The following NCKAP5 variants were observed in gnomAD, a reference collection of about 807,000 sequenced individuals.
NCKAP5 encodes the protein nck-associated protein 5.
In NCKAP5, 92 loss-of-function variants were observed where a neutral mutation model predicts 167.0. The ratio of observed to expected loss-of-function variants is 0.55; its 90% confidence interval spans 0.47 to 0.66. The LOEUF (loss-of-function observed/expected upper bound fraction) is 0.66. Ranked by LOEUF, NCKAP5 falls within the 30% of genes least tolerant of loss-of-function variation. The probability of loss-of-function intolerance (pLI) is 0.00; values close to 1 mark genes in which losing one functional copy is unlikely to be tolerated. For missense variants in NCKAP5, 2,378 were observed against 2,315.0 expected (o/e 1.03, Z -0.56); for synonymous variants, 891 against 877.4 (o/e 1.02, Z -0.27).
chr2:133,105,515 T>C (rs2081655214), intron 6 of NCKAP5, among the ~76,000 whole-genome samples: 1 of 152,350 alleles, frequency 6.6e-6, no homozygotes, highest in Admixed American at 6.5e-5. Context: ...TTTTGAACTC[T>C]TTATTTCCTT....
chr2:132,972,735 C>T (rs1013260450), intron 7 of NCKAP5, among the ~76,000 whole-genome samples: 2 of 151,872 alleles, frequency 1.3e-5, no homozygotes, highest in Non-Finnish European at 2.9e-5. Context: ...TGGTGGCATG[C>T]ACCTGCAGTC....
In NCKAP5 at chr2:132,783,714, C is replaced by A. The variant is rs777775744; in HGVS notation, c.3097G>T (p.Ala1033Ser). ...HAPSSSFTVM[A>S]LGPPKVSPKR... Reference sequence around the variant, plus strand: ...GGAGAGACCTTTGGAGGCCCCAGAGCCATTACGGTGAAGGAGCTGGAGGGG... The same window carrying A: ...GGAGAGACCTTTGGAGGCCCCAGAGACATTACGGTGAAGGAGCTGGAGGGG... Residue 1033 changes from alanine (A) to serine (S), a missense_variant, in exon 14 of 20, where the codon GCT (alanine) becomes TCT (serine). Physicochemically the swap from Ala to Ser is moderately conservative, Grantham distance 99. Around this residue, in one of 3 missense-constraint regions of NCKAP5, gnomAD observed 1,325 missense variants for 1,274.5 expected, o/e 1.04. Coordinates refer to ENST00000409261, the MANE Select transcript of NCKAP5 (RefSeq NM_207363.3). The A allele has an allele frequency of 1.9e-6, 3 of 1,612,154 alleles. No individual in the cohort carries two copies. The highest frequency in any genetic ancestry group is 1.7e-4 in the Middle Eastern group (1 of 6,044).
chr2:132,894,818 C>T (rs1040619425), intron 8 of NCKAP5, among the ~76,000 whole-genome samples: 1 of 152,134 alleles, frequency 6.6e-6, no homozygotes, highest in African/African-American at 2.4e-5. Context: ...ATTTCTTCTG[C>T]CTCCAGCATG....
intron 3 of NCKAP5, among the ~76,000 whole-genome samples, chr2:133,341,690 C>T (rs1373610518): frequency 6.6e-6 from 1 of 152,184 alleles, no homozygotes; most frequent in East Asian, 1.9e-4. Flanking sequence ...TAGCACAGCA[C>T]CCATGACACT....
At chr2:132,900,134 CAATT>C (rs1351020568) in intron 8 of NCKAP5, among the ~76,000 whole-genome samples, 1 of 152,084 alleles carries the variant, frequency 6.6e-6, no homozygotes, top group Non-Finnish European at 1.5e-5. Flanking sequence ...TGCCCCAAAA[CAATT>C]AAGTATGTCA....
chr2:133,104,085 G>T (rs982823969), intron 6 of NCKAP5, among the ~76,000 whole-genome samples: 1 of 151,766 alleles, frequency 6.6e-6, no homozygotes, highest in African/African-American at 2.4e-5. Context: ...TGGGGAGAAG[G>T]TTCTTACCTT....
At position 133,105,539 on chromosome 2, in the gene NCKAP5, T is replaced by C. The variant is rs749937694; in HGVS notation, c.341+24439A>G. On this transcript the variant is annotated intron_variant, in intron 6 of 19. Transcript: ENST00000409261. ...CTTTATTTCCTTCCCTCTATTCCCT[T>C]GCCTCTCAAAACTGGCCTTCGTCTG... Among the ~76,000 whole-genome samples, 17 of 152,232 alleles carry C rather than the reference T, an allele frequency of 1.1e-4. 1 individual carries two copies. Among genetic ancestry groups the C allele is most frequent in the Non-Finnish European group, 2.4e-4 (16 of 68,044 alleles).
chr2:132,731,573 T>C (rs1691007616), intron 17 of NCKAP5, among the ~76,000 whole-genome samples, 164 bp downstream of exon 17: 2 of 152,228 alleles, frequency 1.3e-5, no homozygotes, highest in African/African-American at 2.4e-5. Context: ...TGAGTAGATA[T>C]TGTCTTATAC....
chr2:132,687,791 A>C (rs1308961929), intron 19 of NCKAP5, among the ~76,000 whole-genome samples: 1 of 150,512 alleles, frequency 6.6e-6, no homozygotes, highest in Non-Finnish European at 1.5e-5. Context: ...TAGCTATAGA[A>C]ATTTCATTTT....
At position 133,377,593 on chromosome 2, in the gene NCKAP5, A is replaced by C. The variant is rs537028455; in HGVS notation, c.70-74483T>G. ...AAAGCTCTAAGGTAGAGCAATTTGA[A>C]GTTAGAAAAATGGGTTTAAGTAGCT... On this transcript the variant is annotated intron_variant, in intron 3 of 19. Transcript: ENST00000409261. Among the ~76,000 whole-genome samples, 80 of 152,212 alleles carry C rather than the reference A, an allele frequency of 5.3e-4. 1 individual carries two copies. Among genetic ancestry groups the C allele is most frequent in the Non-Finnish European group, 5.9e-5 (4 of 68,034 alleles).
intron 3 of NCKAP5, among the ~76,000 whole-genome samples, chr2:133,316,158 C>T (rs759586353): frequency 3.9e-5 from 6 of 152,130 alleles, no homozygotes; most frequent in African/African-American, 7.2e-5. Context: ...TGGTTATTTC[C>T]GATGACTTAA....
intron 5 of NCKAP5, among the ~76,000 whole-genome samples, chr2:133,153,276 G>C (rs1364540610): frequency 6.6e-6 from 1 of 152,130 alleles, no homozygotes; most frequent in African/African-American, 2.4e-5. Flanking sequence ...TAATATAAAT[G>C]ATAGAGTTTA....
upstream of NCKAP5, among the ~76,000 whole-genome samples, chr2:133,570,723 C>T (rs1422768421): frequency 6.6e-6 from 1 of 152,142 alleles, no homozygotes. Context: ...TTCCTGGCTG[C>T]TAGCAAGCAC....
intron 1 of NCKAP5, among the ~76,000 whole-genome samples, chr2:133,559,428 C>G (rs536645541): frequency 6.6e-6 from 1 of 152,296 alleles, no homozygotes; most frequent in African/African-American, 2.4e-5. Context: ...AAGTTATCCT[C>G]CAATCTCAGC....
chr2:133,289,324 C>CT (rs906177090), intron 4 of NCKAP5, among the ~76,000 whole-genome samples: 73 of 151,902 alleles, frequency 4.8e-4, no homozygotes, highest in African/African-American at 1.6e-3. Flanking sequence ...ATCTTTTTGC[C>CT]TTTTTTTTCC....
chr2:133,551,286 G>A (rs938189044), intron 2 of NCKAP5, among the ~76,000 whole-genome samples: 3 of 151,044 alleles, frequency 2.0e-5, no homozygotes, highest in Admixed American at 2.0e-4. Flanking sequence ...GCATCACCAA[G>A]TCACTCCTAA....
chr2:133,392,279 C>T (rs1030427999), intron 3 of NCKAP5, among the ~76,000 whole-genome samples: 1 of 152,104 alleles, frequency 6.6e-6, no homozygotes, highest in African/African-American at 2.4e-5. Flanking sequence ...GAATGTAGAA[C>T]ATAACATGCT....
In NCKAP5 at chr2:133,080,169, C is replaced by T. The variant is rs566289745; in HGVS notation, c.341+49809G>A. Among the ~76,000 whole-genome samples the T allele has an allele frequency of 5.9e-5, 9 of 152,174 alleles. No homozygotes were observed. The South Asian group carries it at 1.9e-3, about 32-fold the overall frequency. On this transcript the variant is annotated intron_variant, in intron 6 of 19. Coordinates refer to ENST00000409261, the MANE Select transcript of NCKAP5 (RefSeq NM_207363.3). ...CAGAAATATTGAACCAATTAATACT[C>T]CTGGCAGCACTGTGTGTATGTGTCC...
At chr2:133,544,129 A>G (rs1686454861) in intron 2 of NCKAP5, among the ~76,000 whole-genome samples, 1 of 152,258 alleles carries the variant, frequency 6.6e-6, no homozygotes. Flanking sequence ...CCATGTCTGG[A>G]AACTGATGCA....
Sources: allele counts gnomAD v4.1 joint callset (sites outside exome capture counted in the v4.1 genomes callset), GRCh38; gene constraint gnomAD v4.1.1; regional missense constraint gnomAD v4.1.1; transcripts MANE v1.5; gene names NCBI Gene and HGNC (gene_info 2026-07-23, HGNC 2026-07-21).